The following NUP98 variants were observed in gnomAD, a reference collection of about 807,000 sequenced individuals.
NUP98 encodes nuclear pore complex protein Nup98-Nup96.
Under a neutral mutation model 191.9 loss-of-function variants are expected in NUP98, and 26 were observed. That is an observed-to-expected ratio of 0.14 (90% CI 0.10 to 0.19). The LOEUF is 0.19. Among genes scored for constraint, NUP98 ranks in the 10% least tolerant of loss-of-function variants. NUP98 has a pLI of 1.00. For synonymous variants in NUP98, 808 were observed against 778.4 expected (o/e 1.04, Z -0.63); for missense variants, 1,941 against 2,178.8 (o/e 0.89, Z 2.17).
intron 1 of NUP98, among the ~76,000 whole-genome samples, chr11:3,794,359 C>T (rs1323163366): frequency 3.3e-5 from 5 of 152,128 alleles, no homozygotes; most frequent in South Asian, 2.1e-4. Flanking sequence ...GTCTCGCTGT[C>T]GCCCAGGCTG....
Position 3,760,560 on chromosome 11 carries a change from T to C in NUP98, c.1153A>G (p.Thr385Ala). 4 of 1,614,042 alleles carry C rather than the reference T, an allele frequency of 2.5e-6. No homozygotes were observed. Among genetic ancestry groups the C allele is most frequent in the Non-Finnish European group, 2.5e-6 (3 of 1,179,902 alleles). Residue 385 changes from threonine (T) to alanine (A), a missense_variant, in exon 10 of 33, where the codon ACA (threonine) becomes GCA (alanine). Thr to Ala is a moderately conservative substitution (Grantham distance 58). Transcript: ENST00000324932. The part of the protein sequence containing the change: ...SSTTSAPSFG[T>A]TSGGLFGFGT... ...TTACCAAAGAGCCCGCCACTGGTTG[T>C]ACCAAATGAAGGTGCACTGGTTGTG...
At chr11:3,762,231 T>C (rs1433418127) in intron 9 of NUP98, among the ~76,000 whole-genome samples, 2 of 151,728 alleles carry the variant, frequency 1.3e-5, no homozygotes, top group Non-Finnish European at 2.9e-5. Context: ...TGCCTCAGCA[T>C]CTCAAGTAGC....
intron 4 of NUP98, among the ~76,000 whole-genome samples, chr11:3,777,964 C>T (rs1037154442): frequency 3.3e-5 from 5 of 151,670 alleles, no homozygotes; most frequent in Non-Finnish European, 7.4e-5. Context: ...TTTGGGAGGC[C>T]GAGGCAGATG....
In NUP98 at chr11:3,683,206, C is replaced by T. The variant is rs2078029021; in HGVS notation, c.4912G>A (p.Ala1638Thr). 5 of 1,614,140 alleles carry T rather than the reference C, an allele frequency of 3.1e-6. No individual in the cohort carries two copies. In the South Asian group the frequency reaches 5.5e-5, roughly 18 times the overall value. ...TGTGGAACCCAGCACTCACCAGAAG[C>T]TAAGTGTCGGATGATGAGCTTGTGG... is the stretch of plus-strand genomic sequence containing the variant. ...RCHKLIIRHL[A>T]SDAIINENYD... The change falls in exon 30 of 33, where the codon GCT becomes ACT. Residue 1638 changes from alanine (A) to threonine (T), a missense_variant. Physicochemically the swap from Ala to Thr is moderately conservative, Grantham distance 58. This residue lies in a region of NUP98 where 1,030 missense variants were observed against 1,115.8 expected (regional missense o/e 0.92). Transcript: ENST00000324932.
chr11:3,701,682 C>CTTTTTTTTTTTT (rs1564820335), intron 23 of NUP98, among the ~76,000 whole-genome samples: 3 of 150,794 alleles, frequency 2.0e-5, no homozygotes. Context: ...TTTTCTTTTT[C>CTTTTTTTTTTTT]TTTTCTCTCT....
intron 29 of NUP98, among the ~76,000 whole-genome samples, chr11:3,685,628 T>C (rs951614538): frequency 6.6e-5 from 10 of 152,244 alleles, no homozygotes; most frequent in African/African-American, 2.4e-4. Context: ...TTCCACTTCA[T>C]TATTTCCTAT....
At chr11:3,713,774 C>T (rs1405769510) in intron 19 of NUP98, 44 bp downstream of exon 19, 3 of 1,564,792 alleles carry the variant, frequency 1.9e-6, no homozygotes, top group Non-Finnish European at 2.6e-6. Flanking sequence ...TATGTGACTC[C>T]AAATATAGTT....
chr11:3,751,417 CGTGT>C (rs538609896), intron 11 of NUP98, among the ~76,000 whole-genome samples: 1 of 151,980 alleles, frequency 6.6e-6, no homozygotes, highest in Non-Finnish European at 1.5e-5. Context: ...TATGTACAGA[CGTGT>C]GTGTGTGTAA....
chr11:3,676,193 G>C lies in NUP98; in HGVS notation c.5369C>G (p.Ser1790Cys). ...AMDELRSLTQ[S>C]YLRELAVGSL ...CCCAACAGCCAGTTCTCGCAGATAG[G>C]ACTGGGTAAGGCTGCGCAGTTCGTC... The change falls in exon 33 of 33, where the codon TCC (serine) becomes TGC (cysteine). Residue 1790 changes from serine (S) to cysteine (C), a missense_variant. This residue lies in a region of NUP98 where 1,030 missense variants were observed against 1,115.8 expected (regional missense o/e 0.92). Transcript: ENST00000324932. 1.2e-6 allele frequency: 2 copies of C among 1,614,160 alleles called. No homozygotes were observed. The highest frequency in any genetic ancestry group is 2.2e-5 in the East Asian group (1 of 44,866).
intron 12 of NUP98, among the ~76,000 whole-genome samples, chr11:3,741,944 G>C (rs2080299256): frequency 6.6e-6 from 1 of 152,172 alleles, no homozygotes; most frequent in African/African-American, 2.4e-5. Flanking sequence ...AGTAGTCAAA[G>C]GTTAGCCTTC....
At chr11:3,794,255 A>G (rs2133999647) in intron 1 of NUP98, among the ~76,000 whole-genome samples, 1 of 152,292 alleles carries the variant, frequency 6.6e-6, no homozygotes, top group South Asian at 2.1e-4. Flanking sequence ...TTTCAAACAA[A>G]AAGAATGCAC....
At chr11:3,758,409 T>C (rs748003929) in intron 10 of NUP98, among the ~76,000 whole-genome samples, 8 of 151,708 alleles carry the variant, frequency 5.3e-5, no homozygotes, top group South Asian at 2.1e-4. Flanking sequence ...AAACGGTCCA[T>C]GGGGAAGGGT....
At position 3,702,560 on chromosome 11, in the gene NUP98, T is replaced by C. The variant is rs767549588; in HGVS notation, c.3415A>G (p.Ser1139Gly). The change falls in exon 23 of 33, where the codon AGT becomes GGT. Residue 1139 changes from serine to glycine, a missense_variant. Ser to Gly is a moderately conservative substitution (Grantham distance 56). Transcript: ENST00000324932. ...GWGPNWTLAN[S>G]GEQLNGSHEL... ...TGAGAGCCATTCAGCTGTTCTCCAC[T>C]ATTAGCAAGAGTCCAGTTGGGGCCC... The C allele has an allele frequency of 4.8e-5, 78 of 1,614,032 alleles. No individual in the cohort carries two copies. Among genetic ancestry groups the C allele is most frequent in the Admixed American group, 2.2e-4 (13 of 59,994 alleles).
At chr11:3,741,042 G>A (rs956819309) in intron 12 of NUP98, among the ~76,000 whole-genome samples, 1 of 151,206 alleles carries the variant, frequency 6.6e-6, no homozygotes, top group East Asian at 2.0e-4. Context: ...GGCTGGTCTC[G>A]AACGCTTGAC....
chr11:3,706,438 A>G lies in NUP98; in HGVS notation c.2925+7T>C, dbSNP rs1178833846. ...TCTGTTACAAAAAAGGTGGGTTAGA[A>G]CTTCACCTGTAAGACATGTGGATTA... is the stretch of plus-strand genomic sequence containing the variant. On this transcript the variant is annotated splice_region_variant and intron_variant, in intron 21 of 32. Coordinates refer to ENST00000324932, the MANE Select transcript of NUP98 (RefSeq NM_016320.5). The G allele has an allele frequency of 6.2e-7, 1 of 1,613,964 alleles. No homozygotes were observed. The highest frequency in any genetic ancestry group is 1.1e-5 in the South Asian group (1 of 91,070).
intron 11 of NUP98, among the ~76,000 whole-genome samples, chr11:3,750,622 T>C (rs2080712334): frequency 6.6e-6 from 1 of 150,462 alleles, no homozygotes; most frequent in Admixed American, 6.7e-5. Flanking sequence ...ACATTTTAAA[T>C]GTTTTTTTTT....
chr11:3,700,555 C>G (rs910234158), intron 24 of NUP98, 55 bp downstream of exon 24: 78 of 1,250,680 alleles, frequency 6.2e-5, no homozygotes, highest in Non-Finnish European at 8.0e-5. Flanking sequence ...CGTGAACATA[C>G]GCTACCACCA....
chr11:3,702,048 TG>T (rs2078697284), intron 23 of NUP98, among the ~76,000 whole-genome samples: 1 of 150,766 alleles, frequency 6.6e-6, no homozygotes, highest in Admixed American at 6.6e-5. Context: ...CCCAGCACTT[TG>T]GGAGGCCAAG....
chr11:3,728,229 G>A (rs894737189), intron 14 of NUP98, among the ~76,000 whole-genome samples: 1 of 152,170 alleles, frequency 6.6e-6, no homozygotes, highest in Non-Finnish European at 1.5e-5. Context: ...GTAAGCAATG[G>A]AGAGAATCGT....
Sources: allele counts gnomAD v4.1 joint callset (sites outside exome capture counted in the v4.1 genomes callset), GRCh38; gene constraint gnomAD v4.1.1; regional missense constraint gnomAD v4.1.1; transcripts MANE v1.5; gene names NCBI Gene and HGNC (gene_info 2026-07-23, HGNC 2026-07-21).